The following FMO5 variants were observed in gnomAD, a reference collection of about 807,000 sequenced individuals.
FMO5 encodes the protein flavin containing dimethylaniline monoxygenase 5, also known as flavin-containing monooxygenase 5.
In FMO5, 51 loss-of-function variants were observed where a neutral mutation model predicts 43.6. The observed-to-expected ratio is 1.17, with a 90% confidence interval of 0.93 to 1.48. The LOEUF (loss-of-function observed/expected upper bound fraction) is 1.48. FMO5 is among the 40% of genes most tolerant of loss of function. The pLI, the probability that FMO5 is intolerant of heterozygous loss-of-function variation, is 0.00. For synonymous variants in FMO5, 187 were observed against 216.5 expected, an observed-to-expected ratio of 0.86 and a Z score of 1.20; for missense variants, 644 against 643.0, an observed-to-expected ratio of 1.00 and a Z score of -0.02.
chr1:147,201,587 G>A, intron 6 of FMO5, 83 bp from the exon 7 acceptor site: 1 of 992,244 alleles, frequency 1.0e-6, no homozygotes. Context: ...CTTTGGTGGA[G>A]GTAAACAGGA....
intron 6 of FMO5, chr1:147,203,913 G>A (rs782790719): frequency 4.5e-5 from 70 of 1,542,942 alleles, no homozygotes; most frequent in Non-Finnish European, 6.3e-5. Flanking sequence ...ATTTCTTCAA[G>A]GACAGGAGGT....
chr1:147,225,715 A>G (rs1663922596), upstream of FMO5: 2 of 152,406 alleles, frequency 1.3e-5, no homozygotes, highest in Non-Finnish European at 2.9e-5. Flanking sequence ...CCAAATGCTT[A>G]AATGAACACC....
chr1:147,206,945 T>C (rs1241984548), intron 6 of FMO5, among the ~76,000 whole-genome samples: 1 of 151,600 alleles, frequency 6.6e-6, no homozygotes, highest in Non-Finnish European at 1.5e-5. Flanking sequence ...AAAATATATA[T>C]ATATAAAAAG....
At position 147,209,030 on chromosome 1, in the gene FMO5, C is replaced by A; in HGVS notation, c.652G>T (p.Gly218Trp). 3.7e-6 allele frequency: 6 copies of A among 1,614,142 alleles called. No individual in the cohort carries two copies. The highest frequency in any genetic ancestry group is 5.1e-6 in the Non-Finnish European group (6 of 1,179,978). ...AKQVFLSTRR[G>W]AWILNRVGDY... Reference sequence around the variant, plus strand: ...CCTACACGATTCAGGATCCAAGCCCCTCTCCTGGTGCTGAGGAAAACCTGG... The same window carrying A: ...CCTACACGATTCAGGATCCAAGCCCATCTCCTGGTGCTGAGGAAAACCTGG... The change falls in exon 6 of 9, where the codon GGG (glycine) becomes TGG (tryptophan). Residue 218 changes from glycine (G) to tryptophan (W), a missense_variant. Transcript: ENST00000254090.
chr1:147,215,517 G>A, intron 3 of FMO5: 2 of 475,174 alleles, frequency 4.2e-6, no homozygotes, highest in Middle Eastern at 1.1e-3. Flanking sequence ...TGAAGGTAAT[G>A]AAAACACTCT....
chr1:147,210,624 T>G (rs587638926), intron 5 of FMO5: 1 of 152,260 alleles, frequency 6.6e-6, no homozygotes, highest in East Asian at 1.9e-4. Context: ...TTCTGCTGAG[T>G]AATGAAAACG....
At chr1:147,185,855 C>T (rs1252224179), downstream of FMO5, among the ~76,000 whole-genome samples, 6 of 152,156 alleles carry the variant, frequency 3.9e-5, no homozygotes, top group African/African-American at 1.4e-4. Context: ...GATGTAAACC[C>T]AAGTACCTGC....
At chr1:147,204,570 A>T (rs1200575124) in intron 6 of FMO5, 14 of 1,589,682 alleles carry the variant, frequency 8.8e-6, no homozygotes, top group South Asian at 3.3e-5. Flanking sequence ...CTGACAGGCC[A>T]ATCCTCAGAA....
intron 7 of FMO5, among the ~76,000 whole-genome samples, chr1:147,199,519 T>C (rs1658623643): frequency 6.6e-6 from 1 of 152,220 alleles, no homozygotes; most frequent in Admixed American, 6.5e-5. Flanking sequence ...ATAACCATAA[T>C]GCAGACTCTT....
intron 7 of FMO5, among the ~76,000 whole-genome samples, chr1:147,190,613 A>G (rs782432662): frequency 2.0e-5 from 3 of 152,186 alleles, no homozygotes; most frequent in Admixed American, 1.3e-4. Context: ...GGGAAAACAC[A>G]GCTGCACCTG....
chr1:147,197,859 A>T (rs1658281697), intron 7 of FMO5, among the ~76,000 whole-genome samples: 1 of 152,178 alleles, frequency 6.6e-6, no homozygotes. Flanking sequence ...TCCAGCCCCT[A>T]GCAGAAGGCC....
rs55820230 is a variant in FMO5, at chr1:147,202,312, CTTTT to C, written c.831-812_831-809del. On this transcript the variant is annotated intron_variant, in intron 6 of 8. Coordinates refer to ENST00000254090, the MANE Select transcript of FMO5 (RefSeq NM_001461.4). ...TCGTGGAGCTTTCTAAAAAGCAGTT[CTTTT>C]TTTTTTTTTTTTTTTTTTTGAGACA... 5.8e-4 allele frequency among the ~76,000 whole-genome samples: 45 copies of C among 77,458 alleles called. 2 individuals are homozygous for C. The highest frequency in any genetic ancestry group is 2.0e-3 in the African/African-American group (41 of 20,868). The allele number at this position is 77,458 out of a possible 152,430, so 50.8% of individuals were successfully genotyped here.
chr1:147,225,246 AC>A, intron 1 of FMO5, 40 bp downstream of exon 1: 1 of 1,315,528 alleles, frequency 7.6e-7, no homozygotes, highest in Non-Finnish European at 1.0e-6. Context: ...CGCCTGCAAG[AC>A]CCAGAGCTGA....
intron 2 of FMO5, chr1:147,224,129 C>CTA: frequency 9.3e-6 from 3 of 322,328 alleles, no homozygotes; most frequent in South Asian, 7.8e-5. Flanking sequence ...ATTGGGATGT[C>CTA]TAGTCCACAG....
rs1571457211 is a variant in FMO5 at position 147,224,798 on chromosome 1, A to C, written c.135+97T>G. ...GTGCTAGGATTACAGGCGTGTGCCA[A>C]CCGCGCCCGGCCACCTGACACTGTT... On this transcript the variant is annotated intron_variant, in intron 2 of 8. Coordinates refer to ENST00000254090, the MANE Select transcript of FMO5 (RefSeq NM_001461.4). 5 of 1,247,708 alleles carry C rather than the reference A, an allele frequency of 4.0e-6. No homozygotes were observed. The Admixed American group carries it at 5.3e-5, about 13-fold the overall frequency. The allele number at this position is 1,247,708 out of a possible 1,614,324, so 77.3% of individuals were successfully genotyped here.
At chr1:147,205,704 G>C (rs1401748550) in intron 6 of FMO5, among the ~76,000 whole-genome samples, 1 of 152,128 alleles carries the variant, frequency 6.6e-6, no homozygotes, top group Non-Finnish European at 1.5e-5. Context: ...GGGAAAACTG[G>C]CTAGCCATAT....
chr1:147,184,596 A>G (rs782157270), downstream of FMO5: 5 of 1,548,508 alleles, frequency 3.2e-6, no homozygotes, highest in Non-Finnish European at 3.5e-6. This position sits in a 1 kb window ranked among gnomAD's most constrained non-coding sequence, Gnocchi z 4.4. Flanking sequence ...ATATTCTTCA[A>G]CTTGGGTTTG....
intron 2 of FMO5, among the ~76,000 whole-genome samples, chr1:147,221,099 A>G (rs920669793): frequency 1.4e-5 from 2 of 142,932 alleles, no homozygotes; most frequent in Non-Finnish European, 3.1e-5. Context: ...GGGATATTCT[A>G]CAGCATACCT....
chr1:147,225,161 A>G, intron 1 of FMO5, 95 bp from the exon 2 acceptor site: 1 of 1,522,620 alleles, frequency 6.6e-7, no homozygotes, highest in Non-Finnish European at 8.8e-7. Flanking sequence ...TCTGTACAAG[A>G]GGTGTCTTGA....
Sources: allele counts gnomAD v4.1 joint callset (sites outside exome capture counted in the v4.1 genomes callset), GRCh38; gene constraint gnomAD v4.1.1; non-coding constraint Gnocchi (gnomAD v3.1); transcripts MANE v1.5; gene names NCBI Gene and HGNC (gene_info 2026-07-23, HGNC 2026-07-21).